Variants in MCM9 observed in about 807,000 individuals in gnomAD.
The protein encoded by MCM9 is DNA helicase MCM9.
MCM9 carries 55 observed loss-of-function variants against 72.8 expected under a neutral mutation model. That is an observed-to-expected ratio of 0.76 (90% CI 0.61 to 0.95). The LOEUF is 0.95. Among genes scored for constraint, MCM9 ranks in the 40% least tolerant of loss-of-function variants. The pLI is 0.00. For missense variants in MCM9, 1,279 were observed against 1,377.0 expected (o/e 0.93, Z 1.13); for synonymous variants, 480 against 503.4 (o/e 0.95, Z 0.62).
chr6:118,857,332 T>C lies in MCM9; in HGVS notation c.1151-787A>G, dbSNP rs570219250. ...CATATGTCTTGTTGATTTTTATTTG[T>C]CCTGTATACCAGTCAATAAAGCAGA... On this transcript the variant is annotated intron_variant, in intron 8 of 13. Transcript: ENST00000619706. Among the ~76,000 whole-genome samples, 8 of 152,298 alleles carry C rather than the reference T, an allele frequency of 5.3e-5. No homozygotes were observed. The East Asian group carries it at 1.3e-3, about 26-fold the overall frequency.
At chr6:118,929,471 T>TA (rs1435734531) in intron 3 of MCM9, among the ~76,000 whole-genome samples, 27 of 152,348 alleles carry the variant, frequency 1.8e-4, no homozygotes, top group Admixed American at 1.4e-3. Flanking sequence ...AGTAGTAACA[T>TA]AATTTGTAAC....
intron 13 of MCM9, among the ~76,000 whole-genome samples, chr6:118,817,622 A>G (rs1583315183): frequency 6.6e-6 from 1 of 152,336 alleles, no homozygotes; most frequent in East Asian, 1.9e-4. Flanking sequence ...TCTTTACAGT[A>G]GAATGATTTA....
intron 13 of MCM9, among the ~76,000 whole-genome samples, chr6:118,821,987 C>T (rs1773847121): frequency 6.6e-6 from 1 of 152,174 alleles, no homozygotes; most frequent in African/African-American, 2.4e-5. Flanking sequence ...GTAATTTACG[C>T]TTCTTTCTAA....
In MCM9 at chr6:118,899,669, T is replaced by C. The variant is rs1779671667; in HGVS notation, c.1150+11981A>G. 2.0e-5 allele frequency among the ~76,000 whole-genome samples: 3 copies of C among 152,220 alleles called. No homozygotes were observed. In the South Asian group the frequency reaches 6.2e-4, roughly 32 times the overall value. ...GAGAAAATAAAAAAGGAGCTTTCAG[T>C]TGATTGTAGTTTACAATACAATATA... is the stretch of plus-strand genomic sequence containing the variant. On this transcript the variant is annotated intron_variant, in intron 8 of 13. Coordinates refer to ENST00000619706, the MANE Select transcript of MCM9 (RefSeq NM_017696.3).
chr6:118,839,944 G>A (rs1775236980), intron 9 of MCM9, among the ~76,000 whole-genome samples: 1 of 152,154 alleles, frequency 6.6e-6, no homozygotes, highest in Non-Finnish European at 1.5e-5. Context: ...CAGAGCTCGA[G>A]CGCTGTGCTG....
At chr6:118,892,983 G>A (rs962818645) in intron 8 of MCM9, among the ~76,000 whole-genome samples, 2 of 152,148 alleles carry the variant, frequency 1.3e-5, no homozygotes, top group African/African-American at 2.4e-5. Context: ...AACTCTTCCA[G>A]AACACATACT....
At position 118,820,335 on chromosome 6, in the gene MCM9, TG is replaced by T. The variant is rs569832258; in HGVS notation, c.1962-4042del. On this transcript the variant is annotated intron_variant, in intron 13 of 13. Transcript: ENST00000619706. ...TGGTATGTTTTGTCTTTGTTTTCAT[TG>T]GTTTCAAAGAACTTATTTATTTCTG... Among the ~76,000 whole-genome samples, 463 of 152,322 alleles carry T rather than the reference TG, an allele frequency of 3.0e-3. 3 individuals carry two copies. Among genetic ancestry groups the T allele is most frequent in the Middle Eastern group, 6.8e-3 (2 of 294 alleles).
Position 118,843,668 on chromosome 6 carries a change from A to ATATGTGTGTATATATATACG in MCM9, c.1325+12702_1325+12703insCGTATATATATACACACATA, listed in dbSNP as rs1562407098. On this transcript the variant is annotated intron_variant, in intron 9 of 13. Transcript: ENST00000619706. ...TATATATATATATGTGTATATATAT[A>ATATGTGTGTATATATATACG]TGTATGTATATATATATGTGTATAT... is the stretch of plus-strand genomic sequence containing the variant. Among the ~76,000 whole-genome samples the ATATGTGTGTATATATATACG allele has an allele frequency of 4.0e-3, 222 of 55,436 alleles. 16 individuals carry two copies. The highest frequency in any genetic ancestry group is 0.039 in the East Asian group (86 of 2,224). 36.4% of individuals were successfully genotyped at this position (55,436 alleles called of 152,430 possible). A position where few individuals can be genotyped will look rare whatever the true frequency, so the allele number is the denominator to read the frequency against.
chr6:118,858,164 T>C (rs919772604), intron 8 of MCM9, among the ~76,000 whole-genome samples: 2 of 152,148 alleles, frequency 1.3e-5, no homozygotes, highest in African/African-American at 4.8e-5. Context: ...TAACAGATTA[T>C]AGCCAAGTGA....
intron 9 of MCM9, among the ~76,000 whole-genome samples, chr6:118,847,837 A>G (rs1775978193): frequency 6.6e-6 from 1 of 152,036 alleles, no homozygotes; most frequent in Admixed American, 6.5e-5. Flanking sequence ...AGGCAAAAAA[A>G]CTAAATCACC....
At chr6:118,924,242 G>T (rs1461560053) in intron 3 of MCM9, 115 bp from the exon 4 acceptor site, 1 of 962,592 alleles carries the variant, frequency 1.0e-6, no homozygotes, top group Non-Finnish European at 1.5e-6. Context: ...GGAAAAAAAA[G>T]ATTGTGTTTT....
rs1780148747 is a variant in MCM9 at position 118,905,926 on chromosome 6, GATAAA to G, written c.1150+5719_1150+5723del. 13 of 921,944 alleles carry G rather than the reference GATAAA, an allele frequency of 1.4e-5. No individual in the cohort carries two copies. The Admixed American group carries it at 3.7e-4, about 26-fold the overall frequency. 57.1% of individuals were successfully genotyped at this position (921,944 alleles called of 1,614,324 possible). On this transcript the variant is annotated intron_variant, in intron 8 of 13. Transcript: ENST00000619706. ...TAGTATACTATTAAAATGGCTTTGA[GATAAA>G]ATAAATATGAGGTCCTTATGCCAAC...
intron 6 of MCM9, among the ~76,000 whole-genome samples, chr6:118,916,303 C>T (rs544568228): frequency 6.7e-5 from 10 of 149,122 alleles, no homozygotes; most frequent in Admixed American, 2.7e-4. Flanking sequence ...TTGCTTCTTT[C>T]AATACAGATC....
At chr6:118,873,772 T>G (rs933165244) in intron 8 of MCM9, among the ~76,000 whole-genome samples, 1 of 152,216 alleles carries the variant, frequency 6.6e-6, no homozygotes, top group Non-Finnish European at 1.5e-5. Flanking sequence ...TCCTAGCTCA[T>G]TGTATGAGGC....
chr6:118,874,405 T>C (rs766997135), intron 8 of MCM9, among the ~76,000 whole-genome samples: 1 of 151,958 alleles, frequency 6.6e-6, no homozygotes, highest in African/African-American at 2.4e-5. Context: ...CAAAAAACTC[T>C]CAGAAAACTA....
intron 1 of MCM9, chr6:118,934,688 C>G (rs1470391589): frequency 6.6e-6 from 1 of 152,156 alleles, no homozygotes; most frequent in Non-Finnish European, 1.5e-5. Context: ...TCCAAACTTT[C>G]TAATTCACAG....
intron 8 of MCM9, among the ~76,000 whole-genome samples, chr6:118,866,236 G>A (rs777567255): frequency 1.3e-5 from 2 of 152,330 alleles, no homozygotes; most frequent in South Asian, 2.1e-4. Context: ...TCTCCTACAT[G>A]AGACAAGTCT....
chr6:118,870,738 AAG>A (rs996848323), intron 8 of MCM9, among the ~76,000 whole-genome samples: 3 of 152,110 alleles, frequency 2.0e-5, no homozygotes, highest in Non-Finnish European at 4.4e-5. Context: ...CACGAGGAAA[AAG>A]AGAGAAGACT....
chr6:118,857,748 G>T (rs754882044), intron 8 of MCM9, among the ~76,000 whole-genome samples: 29 of 151,546 alleles, frequency 1.9e-4, no homozygotes, highest in Non-Finnish European at 3.1e-4. Context: ...ATAACTCTAT[G>T]CCATACATTT....
Sources: gnomAD v4.1 joint callset for allele counts (sites outside exome capture counted in the v4.1 genomes callset) on GRCh38, gnomAD v4.1.1 for gene constraint, MANE v1.5 for transcripts, NCBI Gene and HGNC (gene_info 2026-07-23, HGNC 2026-07-21) for gene names.